IGSF23: variants seen among roughly 807,000 people sequenced by gnomAD.
The protein encoded by IGSF23 is immunoglobulin superfamily member 23.
In IGSF23, 14 loss-of-function variants were observed where a neutral mutation model predicts 17.8. The ratio of observed to expected loss-of-function variants is 0.79; its 90% confidence interval spans 0.52 to 1.23. The LOEUF (loss-of-function observed/expected upper bound fraction) is 1.23, where lower values mean the gene tolerates loss of function less well. Among genes scored for constraint, IGSF23 ranks in the 50% most tolerant of loss-of-function variants. IGSF23 has a pLI of 0.00. For synonymous variants in IGSF23, 85 were observed against 92.5 expected (o/e 0.92, Z 0.46); for missense variants, 214 against 241.7 (o/e 0.89, Z 0.76).
chr19:44,618,373 C>A (rs561651381), intron 1 of IGSF23, among the ~76,000 whole-genome samples: 1 of 152,250 alleles, frequency 6.6e-6, no homozygotes, highest in East Asian at 1.9e-4. Flanking sequence ...TGCTGGAAAC[C>A]AGCAGGGGAC....
chr19:44,635,237 T>C (rs114630972), intron 3 of IGSF23, among the ~76,000 whole-genome samples, 164 bp from the exon 4 acceptor site: 205 of 152,318 alleles, frequency 1.3e-3, no homozygotes, highest in African/African-American at 4.7e-3. Flanking sequence ...TCTTATGATC[T>C]CATTTAACCT....
At chr19:44,630,595 C>T (rs1712765219) in intron 3 of IGSF23, among the ~76,000 whole-genome samples, 1 of 152,204 alleles carries the variant, frequency 6.6e-6, no homozygotes, top group African/African-American at 2.4e-5. Context: ...CTTCCCCGCC[C>T]TTGTGGCCAA....
At chr19:44,630,392 T>C (rs1972739809) in intron 3 of IGSF23, among the ~76,000 whole-genome samples, 1 of 152,188 alleles carries the variant, frequency 6.6e-6, no homozygotes, top group Non-Finnish European at 1.5e-5. Flanking sequence ...ATTTCCCAAG[T>C]GAGTAGAGCT....
Position 44,615,624 on chromosome 19 carries a change from TAA to T in IGSF23, c.125+1870_125+1871del, listed in dbSNP as rs759106852. Among the ~76,000 whole-genome samples, 228 of 133,630 alleles carry T rather than the reference TAA, an allele frequency of 1.7e-3. 3 individuals carry two copies. The highest frequency in any genetic ancestry group is 5.7e-3 in the African/African-American group (207 of 36,604). 87.7% of individuals were successfully genotyped at this position (133,630 alleles called of 152,430 possible). The stretch of plus-strand genomic sequence containing the variant: ...AGCAACAAGAGCGAAACTCCATCTT[TAA>T]AAAAAAAAAAAAAAAGTTCAGTTCC... On this transcript the variant is annotated intron_variant, in intron 1 of 4. Coordinates refer to ENST00000402988, the MANE Select transcript of IGSF23 (RefSeq NM_001205280.2).
intron 2 of IGSF23, among the ~76,000 whole-genome samples, chr19:44,624,919 A>AC (rs951769977): frequency 1.3e-5 from 2 of 151,144 alleles, no homozygotes; most frequent in African/African-American, 4.9e-5. Flanking sequence ...AAAAAAAAAA[A>AC]AAACTAAAAA....
At chr19:44,615,979 G>T (rs1262972252) in intron 1 of IGSF23, among the ~76,000 whole-genome samples, 3 of 152,170 alleles carry the variant, frequency 2.0e-5, no homozygotes, top group Non-Finnish European at 2.9e-5. Context: ...TTTAGAAAGT[G>T]GTTTACAACA....
intron 4 of IGSF23, among the ~76,000 whole-genome samples, chr19:44,635,767 C>T (rs1455688481): frequency 6.6e-6 from 1 of 152,282 alleles, no homozygotes. Flanking sequence ...ATAAAATGAA[C>T]AGTTTAATAT....
At chr19:44,618,242 C>T in intron 1 of IGSF23, 1 of 469,584 alleles carries the variant, frequency 2.1e-6, no homozygotes, top group Non-Finnish European at 4.4e-6. Context: ...AGCCAGCAGC[C>T]ATGATATTCT....
At position 44,623,738 on chromosome 19, in the gene IGSF23, G is replaced by A. The variant is rs1412767010; in HGVS notation, c.157G>A (p.Ala53Thr). 42 of 1,551,046 alleles carry A rather than the reference G, an allele frequency of 2.7e-5. No homozygotes were observed. The highest frequency in any genetic ancestry group is 3.5e-5 in the Non-Finnish European group (40 of 1,147,124). The change falls in exon 2 of 5, where the codon GCT becomes ACT. Residue 53 changes from alanine to threonine, a missense_variant. Transcript: ENST00000402988. ...LQLMPLKTFP[A>T]AIRGVIQSEL... ...ACTAATGCCACTGAAGACATTCCCA[G>A]CTGCTATCCGGGGAGTCATCCAGAG...
intron 1 of IGSF23, among the ~76,000 whole-genome samples, chr19:44,616,129 C>T (rs576315811): frequency 6.6e-6 from 1 of 152,096 alleles, no homozygotes; most frequent in Admixed American, 6.6e-5. Flanking sequence ...CCAGGACAAG[C>T]GTAGGGGTGG....
chr19:44,626,712 A>G (rs188085863), intron 2 of IGSF23, among the ~76,000 whole-genome samples: 254 of 152,276 alleles, frequency 1.7e-3, no homozygotes, highest in African/African-American at 5.8e-3. Flanking sequence ...ACGCTGGCCA[A>G]CATGGTGAAG....
chr19:44,616,409 T>C (rs1972376801), intron 1 of IGSF23, among the ~76,000 whole-genome samples: 2 of 152,062 alleles, frequency 1.3e-5, no homozygotes, highest in South Asian at 4.1e-4. Context: ...TTAAAAGAAA[T>C]AGAAACAGCC....
At chr19:44,635,348 TTCTCTC>T (rs138387848) in intron 3 of IGSF23, 47 bp from the exon 4 acceptor site, 950 of 975,826 alleles carry the variant, frequency 9.7e-4, no homozygotes, top group African/African-American at 5.5e-3. Context: ...ATGATTCTTA[TTCTCTC>T]TCTCTCTCTC....
intron 3 of IGSF23, among the ~76,000 whole-genome samples, chr19:44,630,544 G>A (rs1405098458): frequency 6.6e-6 from 1 of 152,238 alleles, no homozygotes; most frequent in African/African-American, 2.4e-5. Context: ...GGCACCTCAA[G>A]TCCCTGCCCT....
At chr19:44,624,280 T>A (rs1972590545) in intron 2 of IGSF23, among the ~76,000 whole-genome samples, 1 of 148,876 alleles carries the variant, frequency 6.7e-6, no homozygotes, top group Non-Finnish European at 1.5e-5. Context: ...TTCTTCTACT[T>A]CTTCTTCTTC....
At chr19:44,634,133 G>A (rs203715) in intron 3 of IGSF23, among the ~76,000 whole-genome samples, 2,049 of 152,130 alleles carry the variant, frequency 0.013, 44 homozygotes, top group African/African-American at 0.047. Context: ...CGGCACTACC[G>A]GCTGTGGCGG....
chr19:44,614,724 G>A (rs988822656), intron 1 of IGSF23, among the ~76,000 whole-genome samples: 6 of 151,980 alleles, frequency 3.9e-5, no homozygotes, highest in South Asian at 2.1e-4. Flanking sequence ...GAGCCACTGC[G>A]CCCAGCCTGT....
At position 44,629,870 on chromosome 19, in the gene IGSF23, G is replaced by C. The variant is rs1972730596; in HGVS notation, c.545+2297G>C. The stretch of plus-strand genomic sequence containing the variant: ...GATGGTCTTGATCTCTTGACCTCAT[G>C]ATCTGCCTGCCTTGCAAAGTGCTGG... On this transcript the variant is annotated intron_variant, in intron 3 of 4. Coordinates refer to ENST00000402988, the MANE Select transcript of IGSF23 (RefSeq NM_001205280.2). Among the ~76,000 whole-genome samples, 3 of 152,008 alleles carry C rather than the reference G, an allele frequency of 2.0e-5. No homozygotes were observed. The South Asian group carries it at 6.2e-4, about 32-fold the overall frequency.
In IGSF23 at chr19:44,615,290, A is replaced by C. The variant is rs551751866; in HGVS notation, c.125+1520A>C. Among the ~76,000 whole-genome samples, 18 of 150,268 alleles carry C rather than the reference A, an allele frequency of 1.2e-4. 1 individual carries two copies. The South Asian group carries it at 3.8e-3, about 32-fold the overall frequency. ...GGCGACAGAGCACGACTCCGTCTCA[A>C]AAATAAATAAATAAAGTTCAGTTCT... On this transcript the variant is annotated intron_variant, in intron 1 of 4. Transcript: ENST00000402988.
Sources: gnomAD v4.1 joint callset for allele counts (sites outside exome capture counted in the v4.1 genomes callset) on GRCh38, gnomAD v4.1.1 for gene constraint, MANE v1.5 for transcripts, NCBI Gene and HGNC (gene_info 2026-07-23, HGNC 2026-07-21) for gene names.